Variants in STRA6 observed in about 807,000 individuals in gnomAD.
STRA6 encodes the protein signaling receptor and transporter of retinol STRA6, also known as receptor for retinol uptake STRA6.
STRA6 carries 48 observed loss-of-function variants against 83.6 expected under a neutral mutation model. The observed-to-expected ratio is 0.57, with a 90% confidence interval of 0.46 to 0.73. The LOEUF (loss-of-function observed/expected upper bound fraction) is 0.73, where lower values mean the gene tolerates loss of function less well. Ranked by LOEUF, STRA6 falls within the 30% of genes least tolerant of loss-of-function variation. STRA6 has a pLI of 0.00. For synonymous variants in STRA6, 353 were observed against 362.3 expected (o/e 0.97, Z 0.29); for missense variants, 760 against 838.8 (o/e 0.91, Z 1.16).
intron 8 of STRA6, among the ~76,000 whole-genome samples, chr15:74,192,201 T>C (rs1420469728): frequency 6.6e-6 from 1 of 152,042 alleles, no homozygotes; most frequent in Non-Finnish European, 1.5e-5. Context: ...CTCTCAAGCC[T>C]GGGAGGAAAG....
upstream of STRA6, chr15:74,207,624 C>T (rs2074288869): frequency 7.1e-7 from 1 of 1,406,908 alleles, no homozygotes; most frequent in Admixed American, 2.0e-5. Flanking sequence ...AGGTACACCC[C>T]CAACTTCGAT....
rs572311574 is a variant in STRA6, at chr15:74,185,536, A to T, written c.1091-481T>A. Among the ~76,000 whole-genome samples, 8 of 152,338 alleles carry T rather than the reference A, an allele frequency of 5.3e-5. No individual in the cohort carries two copies. In the East Asian group the frequency reaches 1.5e-3, roughly 29 times the overall value. ...CTAATGGTCTTCGTTCAGGGCATAGAGGGTGTGAGTCCACATCGGTGTGGA... is the reference window on the plus strand; with the variant it reads ...CTAATGGTCTTCGTTCAGGGCATAGTGGGTGTGAGTCCACATCGGTGTGGA... On this transcript the variant is annotated intron_variant, in intron 12 of 18. Coordinates refer to ENST00000395105, the MANE Select transcript of STRA6 (RefSeq NM_022369.4).
chr15:74,182,521 C>A, intron 14 of STRA6, 61 bp from the exon 15 acceptor site: 1 of 1,416,046 alleles, frequency 7.1e-7, no homozygotes, highest in South Asian at 1.2e-5. Context: ...TGGCCATCCC[C>A]GCTGCCCCCA....
At chr15:74,207,756 G>A, upstream of STRA6, 2 of 1,535,738 alleles carry the variant, frequency 1.3e-6, no homozygotes, top group East Asian at 2.4e-5. Context: ...TCAACCTCAT[G>A]CGGGCCCGTG....
chr15:74,205,379 A>G (rs193276982), upstream of STRA6, among the ~76,000 whole-genome samples: 6 of 152,310 alleles, frequency 3.9e-5, no homozygotes, highest in Admixed American at 3.3e-4. Flanking sequence ...GAAACCCACA[A>G]TCGTGATGGA....
At chr15:74,208,034 C>T in intron 1 of STRA6, 1 of 1,357,076 alleles carries the variant, frequency 7.4e-7, no homozygotes, top group Non-Finnish European at 9.5e-7. Flanking sequence ...GCCCCCCTCA[C>T]CAACAGCATC....
intron 11 of STRA6, among the ~76,000 whole-genome samples, chr15:74,189,994 G>A (rs1567186024): frequency 6.6e-6 from 1 of 152,106 alleles, no homozygotes; most frequent in African/African-American, 2.4e-5. Flanking sequence ...ACTTATGTTC[G>A]ATATTATAAG....
At chr15:74,187,098 A>G (rs1300624531) in intron 12 of STRA6, among the ~76,000 whole-genome samples, 2 of 152,184 alleles carry the variant, frequency 1.3e-5, no homozygotes, top group East Asian at 1.9e-4. Flanking sequence ...ATTCTGGACC[A>G]TTTGCTGCCA....
upstream of STRA6, among the ~76,000 whole-genome samples, chr15:74,206,292 G>C (rs992588549): frequency 1.3e-5 from 2 of 152,230 alleles, no homozygotes; most frequent in Admixed American, 1.3e-4. Flanking sequence ...ATGGATAGCG[G>C]GTGGCCGCGT....
At chr15:74,198,404 C>T (rs1017532135) in intron 2 of STRA6, among the ~76,000 whole-genome samples, 1 of 152,198 alleles carries the variant, frequency 6.6e-6, no homozygotes, top group Non-Finnish European at 1.5e-5. Flanking sequence ...AGCCACTGTG[C>T]CCGGCTGAGC....
At chr15:74,204,415 G>A (rs2074209316), upstream of STRA6, among the ~76,000 whole-genome samples, 1 of 152,242 alleles carries the variant, frequency 6.6e-6, no homozygotes, top group African/African-American at 2.4e-5. Context: ...GGCGGCTGCT[G>A]TGCCCTGAGG....
At chr15:74,205,717 C>A (rs1160985412), upstream of STRA6, among the ~76,000 whole-genome samples, 3 of 152,220 alleles carry the variant, frequency 2.0e-5, no homozygotes, top group Non-Finnish European at 4.4e-5. Flanking sequence ...CAGAAAGGGA[C>A]CCCAGCTGAG....
rs112113273 is a variant in STRA6, at chr15:74,195,161, T to C, written c.597+141A>G. ...AGCAGCCAAGCTTGGAAGGGGCACA[T>C]GTTTGAAGGCATGGAATCCCATGCA... is the stretch of plus-strand genomic sequence containing the variant. On this transcript the variant is annotated intron_variant, in intron 7 of 18. Transcript: ENST00000395105. 1.6e-4 allele frequency: 246 copies of C among 1,523,842 alleles called. 2 individuals are homozygous for C. In the African/African-American group the frequency reaches 2.0e-3, roughly 12 times the overall value. 94.4% of individuals were successfully genotyped at this position (1,523,842 alleles called of 1,614,324 possible).
intron 4 of STRA6, among the ~76,000 whole-genome samples, chr15:74,196,796 C>G (rs986435428): frequency 6.6e-6 from 1 of 152,204 alleles, no homozygotes; most frequent in African/African-American, 2.4e-5. Context: ...ACCAAGGAGC[C>G]ACCCATCACC....
intron 2 of STRA6, among the ~76,000 whole-genome samples, chr15:74,200,111 T>A (rs2142073434): frequency 6.6e-6 from 1 of 152,178 alleles, no homozygotes; most frequent in Non-Finnish European, 1.5e-5. Flanking sequence ...TCCCAGCTAC[T>A]CGGGAGGCTG....
At chr15:74,206,733 A>G (rs1239146692), upstream of STRA6, among the ~76,000 whole-genome samples, 2 of 152,206 alleles carry the variant, frequency 1.3e-5, no homozygotes, top group Non-Finnish European at 2.9e-5. Flanking sequence ...AAGATCTGGA[A>G]TGGTAACAAG....
intron 8 of STRA6, chr15:74,191,763 C>T (rs2073552939): frequency 1.8e-6 from 1 of 550,862 alleles, no homozygotes; most frequent in South Asian, 2.0e-5. Flanking sequence ...CTCCAACTCT[C>T]GCCTGCTTTA....
At chr15:74,182,527 C>T in intron 14 of STRA6, 67 bp from the exon 15 acceptor site, 3 of 1,362,598 alleles carry the variant, frequency 2.2e-6, no homozygotes, top group East Asian at 2.5e-5. Flanking sequence ...TCCCCGCTGC[C>T]CCCAGAACCA....
chr15:74,186,011 A>G (rs1250311675), intron 12 of STRA6, among the ~76,000 whole-genome samples: 1 of 152,240 alleles, frequency 6.6e-6, no homozygotes, highest in Non-Finnish European at 1.5e-5. Context: ...GGTGAGTGCT[A>G]GTTCCACATA....
Sources: gnomAD v4.1 joint callset for allele counts (sites outside exome capture counted in the v4.1 genomes callset) on GRCh38, gnomAD v4.1.1 for gene constraint, MANE v1.5 for transcripts, NCBI Gene and HGNC (gene_info 2026-07-23, HGNC 2026-07-21) for gene names.